Variants in PRDM5 observed in about 807,000 individuals in gnomAD.
The protein encoded by PRDM5 is PR/SET domain 5, also known as PR domain zinc finger protein 5.
Under a neutral mutation model 81.2 loss-of-function variants are expected in PRDM5, and 56 were observed. The observed-to-expected ratio is 0.69, with a 90% CI of 0.56 to 0.86. The LOEUF is 0.86. Among genes scored for constraint, PRDM5 ranks in the 40% least tolerant of loss-of-function variants. The pLI, the probability that PRDM5 is intolerant of heterozygous loss-of-function variation, is 0.00. For missense variants in PRDM5, 697 were observed against 770.1 expected (o/e 0.91, Z 1.12); for synonymous variants, 267 against 256.4 (o/e 1.04, Z -0.39).
In PRDM5 at chr4:120,695,011, A is replaced by C. The variant is rs1734352770; in HGVS notation, c.*100T>G. ...GGCAAATAAGAACTATGAGACCAGT[A>C]AGTCACTTTTGGCTACTTCTGTTAT... On this transcript the variant is annotated 3_prime_UTR_variant, in exon 16 of 16. Transcript: ENST00000264808. 1.5e-6 allele frequency: 2 copies of C among 1,351,656 alleles called. No individual in the cohort carries two copies. The highest frequency in any genetic ancestry group is 2.1e-6 in the Non-Finnish European group (2 of 947,092). The allele number at this position is 1,351,656 out of a possible 1,614,324, so 83.7% of individuals were successfully genotyped here. A position where few individuals can be genotyped will look rare whatever the true frequency, so the allele number is the denominator to read the frequency against.
At chr4:120,871,318 C>T (rs377434352) in intron 2 of PRDM5, among the ~76,000 whole-genome samples, 1 of 152,208 alleles carries the variant, frequency 6.6e-6, no homozygotes, top group African/African-American at 2.4e-5. Context: ...AGGTTGAGCC[C>T]TAGTTCCCTC....
chr4:120,711,510 A>G (rs1171195021), intron 14 of PRDM5, among the ~76,000 whole-genome samples: 2 of 147,046 alleles, frequency 1.4e-5, no homozygotes, highest in Non-Finnish European at 3.0e-5. Flanking sequence ...GGGTTTCACC[A>G]TGTTGACCAG....
chr4:120,713,204 T>C (rs1007877240), intron 14 of PRDM5, among the ~76,000 whole-genome samples: 1 of 152,214 alleles, frequency 6.6e-6, no homozygotes, highest in Non-Finnish European at 1.5e-5. Flanking sequence ...CTTTTCTATC[T>C]GTAATAATTC....
chr4:120,725,179 C>A (rs1418057800), intron 14 of PRDM5, among the ~76,000 whole-genome samples: 2 of 150,404 alleles, frequency 1.3e-5, no homozygotes, highest in African/African-American at 4.9e-5. Flanking sequence ...ACACCATTAA[C>A]ATTTTAAAAT....
At chr4:120,880,072 C>G (rs533524733) in intron 2 of PRDM5, among the ~76,000 whole-genome samples, 2 of 151,914 alleles carry the variant, frequency 1.3e-5, no homozygotes, top group African/African-American at 2.4e-5. Context: ...GTGTACTGCA[C>G]TAATGTAAGA....
intron 10 of PRDM5, among the ~76,000 whole-genome samples, chr4:120,790,709 A>C (rs1750441053): frequency 6.6e-6 from 1 of 152,344 alleles, no homozygotes; most frequent in South Asian, 2.1e-4. Context: ...AAATCTGTAG[A>C]ATTTTTACAG....
chr4:120,710,345 C>T lies in PRDM5; in HGVS notation c.1692G>A (p.Lys564=), dbSNP rs1736785093. 4 of 1,614,074 alleles carry T rather than the reference C, an allele frequency of 2.5e-6. No individual in the cohort carries two copies. Among genetic ancestry groups the T allele is most frequent in the Non-Finnish European group, 3.4e-6 (4 of 1,180,010 alleles). ...AAGGCTTTTCTCCAGTGTGCGTCCT[C>T]TTGTGCTCATCCAGGCCTCGCTTCT... ...FSQKRGLDEH[K]RTHTGEKPFQ... Residue 564 remains lysine (K), a synonymous_variant, in exon 15 of 16, where the codon AAG becomes AAA. Transcript: ENST00000264808.
chr4:120,738,343 T>A (rs1741421113), intron 14 of PRDM5, among the ~76,000 whole-genome samples: 2 of 152,232 alleles, frequency 1.3e-5, no homozygotes, highest in Non-Finnish European at 2.9e-5. Flanking sequence ...GAAAATCGTA[T>A]AATGGTGATG....
chr4:120,794,591 A>T (rs1751076880), intron 10 of PRDM5, among the ~76,000 whole-genome samples: 1 of 149,698 alleles, frequency 6.7e-6, no homozygotes, highest in Non-Finnish European at 1.5e-5. Context: ...GTATTATCTT[A>T]TTGAATGACC....
intron 2 of PRDM5, among the ~76,000 whole-genome samples, chr4:120,888,322 T>C (rs1254622940): frequency 6.6e-6 from 1 of 152,212 alleles, no homozygotes; most frequent in Non-Finnish European, 1.5e-5. Context: ...TATAATTTTA[T>C]AGATTAGCTT....
chr4:120,755,281 A>G (rs1050052537), intron 13 of PRDM5, among the ~76,000 whole-genome samples: 27 of 152,358 alleles, frequency 1.8e-4, no homozygotes, highest in Admixed American at 5.9e-4. Flanking sequence ...TTCAAAAAAA[A>G]TTCTACTGTG....
chr4:120,768,674 C>G (rs1746769242), intron 13 of PRDM5, among the ~76,000 whole-genome samples: 1 of 152,162 alleles, frequency 6.6e-6, no homozygotes, highest in Admixed American at 6.5e-5. Flanking sequence ...ATAGCACAGA[C>G]TCACCCTTGT....
At chr4:120,811,899 T>A (rs1250152162) in intron 7 of PRDM5, among the ~76,000 whole-genome samples, 1 of 152,118 alleles carries the variant, frequency 6.6e-6, no homozygotes, top group Non-Finnish European at 1.5e-5. Flanking sequence ...TTCTATTCTT[T>A]TATTTTTAAA....
At chr4:120,890,529 T>C (rs1468588757) in intron 2 of PRDM5, among the ~76,000 whole-genome samples, 3 of 152,234 alleles carry the variant, frequency 2.0e-5, no homozygotes, top group Non-Finnish European at 4.4e-5. Flanking sequence ...TTTTAGTTCA[T>C]TGAGAAATCA....
intron 15 of PRDM5, among the ~76,000 whole-genome samples, chr4:120,702,684 G>A (rs192883188): frequency 2.0e-5 from 3 of 152,224 alleles, no homozygotes; most frequent in Admixed American, 1.3e-4. Flanking sequence ...AATAATCCTG[G>A]AGAAATTGAA....
At chr4:120,790,328 C>T (rs951889899) in intron 10 of PRDM5, among the ~76,000 whole-genome samples, 9 of 152,198 alleles carry the variant, frequency 5.9e-5, no homozygotes, top group Non-Finnish European at 1.0e-4. Flanking sequence ...TGTGGCTTCA[C>T]AGAAATAACC....
chr4:120,784,828 A>G (rs908188913), intron 11 of PRDM5, among the ~76,000 whole-genome samples, 170 bp downstream of exon 11: 1 of 152,166 alleles, frequency 6.6e-6, no homozygotes, highest in Non-Finnish European at 1.5e-5. Flanking sequence ...AATAAAGCAA[A>G]TATAAAGCGA....
intron 3 of PRDM5, among the ~76,000 whole-genome samples, chr4:120,823,888 T>G (rs1261988337): frequency 6.6e-6 from 1 of 152,242 alleles, no homozygotes; most frequent in Admixed American, 6.5e-5. Flanking sequence ...CTCTCATACA[T>G]GGCTTAGTGC....
chr4:120,821,955 A>G (rs1755344784), intron 3 of PRDM5, among the ~76,000 whole-genome samples: 1 of 152,090 alleles, frequency 6.6e-6, no homozygotes, highest in African/African-American at 2.4e-5. Flanking sequence ...AAGAAAAAAA[A>G]AAAAAACAAG....
Sources: gnomAD v4.1 joint callset for allele counts (sites outside exome capture counted in the v4.1 genomes callset) on GRCh38, gnomAD v4.1.1 for gene constraint, MANE v1.5 for transcripts, NCBI Gene and HGNC (gene_info 2026-07-23, HGNC 2026-07-21) for gene names.